The following DLGAP1 variants were observed in gnomAD, a reference collection of about 807,000 sequenced individuals.
The protein encoded by DLGAP1 is DLG associated protein 1.
A neutral mutation model predicts 90.8 loss-of-function variants in DLGAP1; 11 were observed. That is an observed-to-expected ratio of 0.12 (90% CI 0.08 to 0.20). DLGAP1 has a LOEUF of 0.20. Ranked by LOEUF, DLGAP1 falls within the 10% of genes least tolerant of loss-of-function variation. The probability of loss-of-function intolerance (pLI) is 1.00; values close to 1 mark genes in which losing one functional copy is unlikely to be tolerated. For synonymous variants in DLGAP1, 558 were observed against 540.7 expected, an observed-to-expected ratio of 1.03 and a Z score of -0.44; for missense variants, 1,050 against 1,333.8, an observed-to-expected ratio of 0.79 and a Z score of 3.31.
At chr18:3,742,226 C>A in intron 6 of DLGAP1, 109 bp downstream of exon 6, 1 of 1,341,964 alleles carries the variant, frequency 7.5e-7, no homozygotes, top group Non-Finnish European at 1.0e-6. Flanking sequence ...TCTGATCCAT[C>A]AATGGTCTAC....
intron 7 of DLGAP1, among the ~76,000 whole-genome samples, chr18:3,592,558 GC>G (rs1002471795): frequency 6.6e-5 from 10 of 152,142 alleles, no homozygotes; most frequent in Admixed American, 1.3e-4. Context: ...AGACATGGGG[GC>G]TGGGTGTGGT....
chr18:3,651,485 G>C (rs952708160), intron 7 of DLGAP1, among the ~76,000 whole-genome samples: 1 of 152,114 alleles, frequency 6.6e-6, no homozygotes, highest in Non-Finnish European at 1.5e-5. Context: ...TGAGCACATG[G>C]CTTTGCTCTA....
At chr18:3,684,282 C>T (rs766317725) in intron 7 of DLGAP1, among the ~76,000 whole-genome samples, 71 of 151,310 alleles carry the variant, frequency 4.7e-4, no homozygotes, top group Non-Finnish European at 9.3e-4. Context: ...CTCATCCTCT[C>T]GGGCTCAAGC....
chr18:4,110,639 G>A (rs1462041154), intron 2 of DLGAP1, among the ~76,000 whole-genome samples: 1 of 152,110 alleles, frequency 6.6e-6, no homozygotes, highest in African/African-American at 2.4e-5. Context: ...AGGTTTCTGG[G>A]TTCCCTGTGG....
At chr18:3,596,977 C>T (rs756908468) in intron 7 of DLGAP1, 1 of 520,114 alleles carries the variant, frequency 1.9e-6, no homozygotes, top group Non-Finnish European at 3.8e-6. Flanking sequence ...CCCCCATTCT[C>T]CCCACTTGGC....
At chr18:4,211,242 T>C (rs886070066) in intron 1 of DLGAP1, among the ~76,000 whole-genome samples, 1 of 152,092 alleles carries the variant, frequency 6.6e-6, no homozygotes, top group Non-Finnish European at 1.5e-5. Flanking sequence ...GGGGGTTTTA[T>C]GTTGAGGGTT....
chr18:3,682,225 C>T (rs139915189), intron 7 of DLGAP1, among the ~76,000 whole-genome samples: 5 of 152,246 alleles, frequency 3.3e-5, no homozygotes, highest in African/African-American at 9.6e-5. Context: ...CTCCCTTGCT[C>T]CTGCTCTGGC....
chr18:4,299,871 G>A (rs2080081652), intron 1 of DLGAP1, among the ~76,000 whole-genome samples: 1 of 151,924 alleles, frequency 6.6e-6, no homozygotes, highest in East Asian at 1.9e-4. Context: ...AAAGTTACAC[G>A]GCACTCTAAG....
chr18:4,079,201 G>T (rs1158010223), intron 2 of DLGAP1, among the ~76,000 whole-genome samples: 1 of 151,862 alleles, frequency 6.6e-6, no homozygotes, highest in Non-Finnish European at 1.5e-5. Flanking sequence ...CTTGTGGAGA[G>T]CTGGGGACAA....
intron 2 of DLGAP1, among the ~76,000 whole-genome samples, chr18:4,045,864 C>T (rs2075046760): frequency 6.7e-6 from 1 of 149,280 alleles, no homozygotes; most frequent in African/African-American, 2.5e-5. Flanking sequence ...TCGTAGCTCA[C>T]TATAACCTCA....
chr18:4,367,053 A>G (rs1212023598), intron 1 of DLGAP1, among the ~76,000 whole-genome samples: 1 of 143,258 alleles, frequency 7.0e-6, no homozygotes. Flanking sequence ...CTTATCCTGC[A>G]GCTGCTGAAT....
intron 1 of DLGAP1, among the ~76,000 whole-genome samples, chr18:4,431,884 TG>T (rs1402485081): frequency 6.6e-6 from 1 of 152,216 alleles, no homozygotes; most frequent in African/African-American, 2.4e-5. Flanking sequence ...CGAGATAACT[TG>T]TTGAGAACAG....
chr18:3,953,373 C>A (rs1211824219), intron 3 of DLGAP1, among the ~76,000 whole-genome samples: 1 of 152,136 alleles, frequency 6.6e-6, no homozygotes, highest in Non-Finnish European at 1.5e-5. Context: ...TTTATTATTT[C>A]ATTCGATATG....
At chr18:3,586,372 C>A (rs17803229) in intron 7 of DLGAP1, among the ~76,000 whole-genome samples, 1 of 152,142 alleles carries the variant, frequency 6.6e-6, no homozygotes, top group Non-Finnish European at 1.5e-5. Flanking sequence ...AGGACAGGAA[C>A]CATCTCCCAT....
intron 2 of DLGAP1, among the ~76,000 whole-genome samples, chr18:4,010,739 T>C (rs2074402359): frequency 6.6e-6 from 1 of 152,026 alleles, no homozygotes; most frequent in Non-Finnish European, 1.5e-5. Context: ...AGAATGGAGG[T>C]GGGGATGCTA....
At chr18:3,822,935 C>T (rs2067501623) in intron 4 of DLGAP1, among the ~76,000 whole-genome samples, 1 of 152,144 alleles carries the variant, frequency 6.6e-6, no homozygotes, top group South Asian at 2.1e-4. Flanking sequence ...CACTTGAATC[C>T]AGGAGTTCAA....
chr18:3,880,112 C>T lies in DLGAP1; in HGVS notation c.-44G>A. The T allele has an allele frequency of 3.8e-6, 6 of 1,571,862 alleles. No homozygotes were observed. The highest frequency in any genetic ancestry group is 5.2e-6 in the Non-Finnish European group (6 of 1,157,978). The stretch of plus-strand genomic sequence containing the variant: ...GCCAGGGTCATGGACACCCGGAAGT[C>T]AGGCTCCAGACCCGTCTTGGGCAGG... On this transcript the variant is annotated 5_prime_UTR_variant, in exon 4 of 13. An upstream open reading frame in the 5' UTR loses its in-frame stop. Coordinates refer to ENST00000315677, the MANE Select transcript of DLGAP1 (RefSeq NM_004746.4).
In DLGAP1 at chr18:4,178,202, A is replaced by C. The variant is rs1011261888; in HGVS notation, c.-266-26915T>G. Among the ~76,000 whole-genome samples, 20 of 118,476 alleles carry C rather than the reference A, an allele frequency of 1.7e-4. 1 individual carries two copies. The highest frequency in any genetic ancestry group is 5.6e-4 in the African/African-American group (17 of 30,622). The allele number at this position is 118,476 out of a possible 152,430, so 77.7% of individuals were successfully genotyped here. A position where few individuals can be genotyped will look rare whatever the true frequency, so the allele number is the denominator to read the frequency against. On this transcript the variant is annotated intron_variant, in intron 1 of 12. Transcript: ENST00000315677. Reference sequence around the variant, plus strand: ...TAGAAATCCTACGGGTCCTGGAATAAACACACACACACACACACACACACA... The same window carrying C: ...TAGAAATCCTACGGGTCCTGGAATACACACACACACACACACACACACACA...
intron 1 of DLGAP1, among the ~76,000 whole-genome samples, chr18:4,388,299 CAAG>C (rs1357727909): frequency 3.3e-5 from 5 of 151,842 alleles, no homozygotes; most frequent in Admixed American, 6.6e-5. Flanking sequence ...AGCTAATGAC[CAAG>C]AAGGAGACGG....
Sources: gnomAD v4.1 joint callset for allele counts (sites outside exome capture counted in the v4.1 genomes callset) on GRCh38, gnomAD v4.1.1 for gene constraint, MANE v1.5 for transcripts, NCBI Gene and HGNC (gene_info 2026-07-23, HGNC 2026-07-21) for gene names.